SCAF8: variants seen among roughly 807,000 people sequenced by gnomAD.
SCAF8 encodes the protein SR-related and CTD-associated factor 8.
In SCAF8, 23 loss-of-function variants were observed where a neutral mutation model predicts 140.5. That is an observed-to-expected ratio of 0.16 (90% CI 0.12 to 0.23). SCAF8 has a LOEUF of 0.23. Among genes scored for constraint, SCAF8 ranks in the 10% least tolerant of loss-of-function variants. The pLI, the probability that SCAF8 is intolerant of heterozygous loss-of-function variation, is 1.00. For synonymous variants in SCAF8, 575 were observed against 528.9 expected (o/e 1.09, Z -1.20); for missense variants, 1,397 against 1,555.7 (o/e 0.90, Z 1.72).
At chr6:154,822,481 T>C in intron 16 of SCAF8, 72 bp downstream of exon 16, 1 of 1,420,642 alleles carries the variant, frequency 7.0e-7, no homozygotes, top group Non-Finnish European at 9.6e-7. Context: ...GTATTTACTT[T>C]ATAAAACCGG....
At chr6:154,801,197 C>A (rs372514410) in intron 6 of SCAF8, among the ~76,000 whole-genome samples, 2 of 151,462 alleles carry the variant, frequency 1.3e-5, no homozygotes, top group East Asian at 1.9e-4. Flanking sequence ...CCTAGTGTTA[C>A]TGTTTTAAGT....
intron 1 of SCAF8, among the ~76,000 whole-genome samples, chr6:154,761,324 A>G (rs919692952): frequency 7.2e-5 from 11 of 152,178 alleles, no homozygotes; most frequent in African/African-American, 2.7e-4. Context: ...CATCTCTACT[A>G]GAAATACAAA....
At chr6:154,789,854 T>G (rs1402199668) in intron 4 of SCAF8, among the ~76,000 whole-genome samples, 2 of 152,210 alleles carry the variant, frequency 1.3e-5, no homozygotes, top group Admixed American at 1.3e-4. Context: ...CTAGAATGCT[T>G]CTTTTAAATG....
At chr6:154,822,053 AGTGTCTTTCCTTT>A (rs1778435135) in intron 15 of SCAF8, 1 of 391,852 alleles carries the variant, frequency 2.6e-6, no homozygotes, top group Non-Finnish European at 4.5e-6. Context: ...GAAATATTTT[AGTGTCTTTCCTTT>A]GTGTCTCATG....
intron 14 of SCAF8, among the ~76,000 whole-genome samples, chr6:154,819,830 A>G (rs1459289383): frequency 2.0e-5 from 3 of 152,122 alleles, no homozygotes; most frequent in Admixed American, 2.0e-4. Context: ...TCTACTAAAA[A>G]ATACAAAAAT....
At chr6:154,812,801 A>G (rs1236403991) in intron 12 of SCAF8, among the ~76,000 whole-genome samples, 1 of 152,144 alleles carries the variant, frequency 6.6e-6, no homozygotes, top group African/African-American at 2.4e-5. Context: ...GGAGTTTCCT[A>G]TGGGAAAAAT....
chr6:154,826,595 T>G (rs1200236067), intron 17 of SCAF8, among the ~76,000 whole-genome samples: 1 of 152,148 alleles, frequency 6.6e-6, no homozygotes, highest in Non-Finnish European at 1.5e-5. Context: ...TTAAAATGAT[T>G]AAGAAGCCGA....
upstream of SCAF8, chr6:154,733,409 G>C (rs531099263): frequency 4.3e-6 from 6 of 1,398,250 alleles, no homozygotes; most frequent in African/African-American, 6.0e-5. Context: ...CCCGACTCGA[G>C]TCCGCCATAT....
chr6:154,805,116 A>T (rs1216628648), intron 8 of SCAF8, among the ~76,000 whole-genome samples: 1 of 152,208 alleles, frequency 6.6e-6, no homozygotes, highest in African/African-American at 2.4e-5. Context: ...ACAGCCTGAG[A>T]TGGTAATATC....
chr6:154,810,696 C>T (rs969280902), intron 12 of SCAF8, among the ~76,000 whole-genome samples: 34 of 152,102 alleles, frequency 2.2e-4, no homozygotes, highest in African/African-American at 7.5e-4. Context: ...ATGATTAGAA[C>T]AGATTCGGTA....
At chr6:154,734,006 T>G (rs1582984564) in intron 1 of SCAF8, 76 bp downstream of exon 1, 2 of 1,436,852 alleles carry the variant, frequency 1.4e-6, no homozygotes, top group Non-Finnish European at 9.1e-7. Context: ...GCCCGGAGGG[T>G]GGGCGCGGGC....
intron 13 of SCAF8, among the ~76,000 whole-genome samples, chr6:154,817,121 C>G (rs1039604901): frequency 6.6e-6 from 1 of 151,424 alleles, no homozygotes; most frequent in African/African-American, 2.5e-5. Context: ...TTACCCCTAC[C>G]TTTAAACTAG....
At chr6:154,794,777 GGGGGTGTGTGTGTGT>G (rs1777542276) in intron 5 of SCAF8, among the ~76,000 whole-genome samples, 2 of 54,610 alleles carry the variant, frequency 3.7e-5, no homozygotes, top group Non-Finnish European at 4.0e-5. Flanking sequence ...GGGGGGTGTG[GGGGGTGTGTGTGTGT>G]GTGTGTGTGT....
intron 1 of SCAF8, among the ~76,000 whole-genome samples, chr6:154,763,706 A>T (rs756770470): frequency 6.6e-6 from 1 of 152,096 alleles, no homozygotes; most frequent in Non-Finnish European, 1.5e-5. Context: ...GAGGACATAA[A>T]TATGCTCTCC....
Position 154,822,427 on chromosome 6 carries a change from G to GTTT in SCAF8, c.1926+26_1926+28dup. 1 of 1,436,160 alleles carries GTTT rather than the reference G, an allele frequency of 7.0e-7. No homozygotes were observed. The highest frequency in any genetic ancestry group is 9.4e-7 in the Non-Finnish European group (1 of 1,067,756). The allele number at this position is 1,436,160 out of a possible 1,614,324, so 89.0% of individuals were successfully genotyped here. A position where few individuals can be genotyped will look rare whatever the true frequency, so the allele number is the denominator to read the frequency against. ...TGTTGCAGGTTAGTGTTGAAGTGGG[G>GTTT]TTTTTTTTTTCTTGTGTTGTTTTAC... is the stretch of plus-strand genomic sequence containing the variant. On this transcript the variant is annotated intron_variant, in intron 16 of 19. Transcript: ENST00000367178.
chr6:154,770,384 A>ACT (rs1562436529), intron 1 of SCAF8, among the ~76,000 whole-genome samples: 5 of 137,284 alleles, frequency 3.6e-5, no homozygotes, highest in African/African-American at 1.5e-4. Flanking sequence ...ACACACACAC[A>ACT]CACACTCTCT....
chr6:154,770,156 C>T (rs1390111403), intron 1 of SCAF8, among the ~76,000 whole-genome samples: 2 of 152,032 alleles, frequency 1.3e-5, no homozygotes, highest in Non-Finnish European at 1.5e-5. Flanking sequence ...CTTAAGAATT[C>T]TTAGAAAGTA....
chr6:154,812,693 G>A (rs572598026), intron 12 of SCAF8, among the ~76,000 whole-genome samples: 9 of 152,224 alleles, frequency 5.9e-5, no homozygotes, highest in African/African-American at 1.9e-4. Flanking sequence ...GAATAGTCTA[G>A]GGGATATAAA....
At chr6:154,747,894 TTCTGTGTG>T (rs1245905655) in intron 1 of SCAF8, among the ~76,000 whole-genome samples, 109 of 109,890 alleles carry the variant, frequency 9.9e-4, no homozygotes, top group African/African-American at 4.5e-3. Flanking sequence ...TACATTTCAT[TTCTGTGTG>T]TGTGTGTGTG....
Sources: allele counts gnomAD v4.1 joint callset (sites outside exome capture counted in the v4.1 genomes callset), GRCh38; gene constraint gnomAD v4.1.1; transcripts MANE v1.5; gene names NCBI Gene and HGNC (gene_info 2026-07-23, HGNC 2026-07-21).